The following TMEM232 variants were observed in gnomAD, a reference collection of about 807,000 sequenced individuals.
TMEM232 encodes the protein transmembrane protein 232.
In TMEM232, 80 loss-of-function variants were observed where a neutral mutation model predicts 78.8. The observed-to-expected ratio is 1.01, with a 90% CI of 0.85 to 1.22. The LOEUF (loss-of-function observed/expected upper bound fraction) is 1.22. TMEM232 is among the 50% of genes most tolerant of loss of function. TMEM232 has a pLI of 0.00. For synonymous variants in TMEM232, 297 were observed against 254.3 expected (o/e 1.17, Z -1.60); for missense variants, 881 against 742.2 (o/e 1.19, Z -2.17).
intron 10 of TMEM232, among the ~76,000 whole-genome samples, chr5:110,575,476 T>C (rs1047575537): frequency 3.9e-5 from 6 of 152,040 alleles, no homozygotes; most frequent in Admixed American, 6.6e-5. Flanking sequence ...TCTTTTCTAA[T>C]TGTCAATTAT....
intron 10 of TMEM232, among the ~76,000 whole-genome samples, chr5:110,596,333 A>G (rs1240430506): frequency 6.6e-6 from 1 of 152,206 alleles, no homozygotes; most frequent in African/African-American, 2.4e-5. Flanking sequence ...GAATCTCTGA[A>G]TAGACCAATA....
chr5:110,646,502 A>G (rs75697141), intron 2 of TMEM232, among the ~76,000 whole-genome samples: 1,808 of 151,892 alleles, frequency 0.012, 31 homozygotes, highest in African/African-American at 0.041. Flanking sequence ...ATCTACATGC[A>G]GAAGAACGTA....
intron 2 of TMEM232, among the ~76,000 whole-genome samples, chr5:110,411,355 C>T (rs73782467): frequency 0.036 from 5,435 of 152,202 alleles, 138 homozygotes; most frequent in African/African-American, 0.069. Context: ...TGTGTACTTT[C>T]TTCATTTTTT....
At position 110,401,577 on chromosome 5, in the gene TMEM232, C is replaced by G. The variant is rs1256238170; in HGVS notation, n.309-3723G>C. 2.0e-5 allele frequency among the ~76,000 whole-genome samples: 3 copies of G among 152,092 alleles called. No homozygotes were observed. In the East Asian group the frequency reaches 5.8e-4, roughly 29 times the overall value. ...TTTATGCTGTGGTAGCTTGTTCTGG[C>G]TTAAGAGTTTGATTTTTTAAATAAA... On this transcript the variant is annotated intron_variant and non_coding_transcript_variant, in intron 2 of 8. Transcript: ENST00000507188.
At chr5:110,457,937 C>T (rs1440243552) in intron 12 of TMEM232, among the ~76,000 whole-genome samples, 1 of 151,856 alleles carries the variant, frequency 6.6e-6, no homozygotes, top group African/African-American at 2.4e-5. Context: ...TCATAAACCC[C>T]TTAAGGATAG....
At chr5:110,476,842 T>G (rs1463097384) in intron 12 of TMEM232, among the ~76,000 whole-genome samples, 1 of 152,068 alleles carries the variant, frequency 6.6e-6, no homozygotes, top group Non-Finnish European at 1.5e-5. Flanking sequence ...TTAGTTACCT[T>G]ATTTCTTGTA....
chr5:110,586,129 G>C (rs930302793), intron 10 of TMEM232, among the ~76,000 whole-genome samples: 1 of 152,012 alleles, frequency 6.6e-6, no homozygotes, highest in Non-Finnish European at 1.5e-5. Flanking sequence ...TTTAGAAACC[G>C]CAGTAAAGGC....
Position 110,538,516 on chromosome 5 carries a change from C to T in TMEM232, c.1456-9681G>A, listed in dbSNP as rs572188594. On this transcript the variant is annotated intron_variant, in intron 11 of 13. Transcript: ENST00000455884. ...CATAATGATAATGCCATCAAAGGCT[C>T]TTGCTTCAAATGCAAGAACAATGAG... is the stretch of plus-strand genomic sequence containing the variant. 1.8e-4 allele frequency among the ~76,000 whole-genome samples: 28 copies of T among 152,300 alleles called. No individual in the cohort carries two copies. In the Middle Eastern group the frequency reaches 0.017, roughly 93 times the overall value.
chr5:110,524,360 AAAAAAAGAAAG>A (rs1770104804), intron 12 of TMEM232, among the ~76,000 whole-genome samples: 5 of 114,030 alleles, frequency 4.4e-5, no homozygotes, highest in Admixed American at 9.8e-5. Flanking sequence ...AGAAAGAAAG[AAAAAAAGAAAG>A]AAAGAAAGAA....
chr5:110,485,967 A>C (rs1351967157), intron 12 of TMEM232, among the ~76,000 whole-genome samples: 1 of 152,032 alleles, frequency 6.6e-6, no homozygotes, highest in South Asian at 2.1e-4. Context: ...CACTGCATCC[A>C]TGCCAATATC....
chr5:110,499,635 C>G (rs201543873), intron 12 of TMEM232, among the ~76,000 whole-genome samples: 1 of 143,516 alleles, frequency 7.0e-6, no homozygotes, highest in Non-Finnish European at 1.5e-5. Flanking sequence ...ACACCCCCCC[C>G]CACACACACA....
At chr5:110,488,420 A>T (rs1764691930) in intron 12 of TMEM232, among the ~76,000 whole-genome samples, 1 of 152,110 alleles carries the variant, frequency 6.6e-6, no homozygotes, top group South Asian at 2.1e-4. Context: ...AAATAAATAA[A>T]AAAAGGAAAT....
intron 1 of TMEM232, among the ~76,000 whole-genome samples, chr5:110,703,473 A>C (rs60651993): frequency 7.2e-5 from 11 of 152,218 alleles, no homozygotes; most frequent in African/African-American, 2.6e-4. Context: ...TTCAAAGCAT[A>C]ATCCAGGGAA....
intron 12 of TMEM232, among the ~76,000 whole-genome samples, chr5:110,489,907 C>T (rs558659285): frequency 2.0e-5 from 3 of 151,768 alleles, no homozygotes; most frequent in Non-Finnish European, 4.4e-5. Flanking sequence ...GGGCGGATCA[C>T]AAGGTCAAGA....
chr5:110,668,720 A>T (rs933463994), intron 1 of TMEM232, among the ~76,000 whole-genome samples: 3 of 152,160 alleles, frequency 2.0e-5, no homozygotes, highest in Non-Finnish European at 4.4e-5. Context: ...TTGACCACAT[A>T]GTTGGAAGTA....
intron 12 of TMEM232, among the ~76,000 whole-genome samples, chr5:110,514,155 T>G (rs540563629): frequency 6.6e-6 from 1 of 152,296 alleles, no homozygotes; most frequent in African/African-American, 2.4e-5. Context: ...ATCAACATTT[T>G]CTTTCATACT....
At chr5:110,409,510 C>T (rs972843748) in intron 2 of TMEM232, among the ~76,000 whole-genome samples, 6 of 152,170 alleles carry the variant, frequency 3.9e-5, no homozygotes, top group Non-Finnish European at 7.4e-5. Flanking sequence ...TTCTTAGAAG[C>T]ATTGGAAAAT....
chr5:110,471,256 T>C (rs1308168900), intron 12 of TMEM232, among the ~76,000 whole-genome samples: 2 of 152,152 alleles, frequency 1.3e-5, no homozygotes, highest in African/African-American at 2.4e-5. Flanking sequence ...ACAAGACTTA[T>C]GGGACAGCAT....
At chr5:110,487,578 TTG>T (rs1764602674) in intron 12 of TMEM232, among the ~76,000 whole-genome samples, 2 of 152,132 alleles carry the variant, frequency 1.3e-5, no homozygotes, top group Admixed American at 6.6e-5. Context: ...TATGTGATTT[TTG>T]TGTTTAATTC....
Sources: gnomAD v4.1 joint callset for allele counts (sites outside exome capture counted in the v4.1 genomes callset) on GRCh38, gnomAD v4.1.1 for gene constraint, MANE v1.5 for transcripts, NCBI Gene and HGNC (gene_info 2026-07-23, HGNC 2026-07-21) for gene names.